Variants in ADH4 observed in about 807,000 individuals in gnomAD.
The protein encoded by ADH4 is all-trans-retinol dehydrogenase [NAD(+)] ADH4.
Under a neutral mutation model 35.2 loss-of-function variants are expected in ADH4, and 31 were observed. The ratio of observed to expected loss-of-function variants is 0.88; its 90% CI spans 0.66 to 1.19. ADH4 has a LOEUF of 1.19. ADH4 is among the 50% of genes most tolerant of loss of function. The pLI, the probability that ADH4 is intolerant of heterozygous loss-of-function variation, is 0.00. For synonymous variants in ADH4, 171 were observed against 160.2 expected, an observed-to-expected ratio of 1.07 and a Z score of -0.51; for missense variants, 476 against 458.3, an observed-to-expected ratio of 1.04 and a Z score of -0.35.
intron 8 of ADH4, among the ~76,000 whole-genome samples, chr4:99,124,911 G>A (rs1268355828): frequency 6.6e-6 from 1 of 151,860 alleles, no homozygotes; most frequent in Non-Finnish European, 1.5e-5. Context: ...ACTCCAACAT[G>A]TAGACACAAA....
chr4:99,124,373 A>G lies in ADH4; in HGVS notation c.*69T>C. The stretch of plus-strand genomic sequence containing the variant: ...CTCATGGCTTTCCTTGGTTCATCAA[A>G]TCAGGTAATAAATTAACCAGGCAGG... On this transcript the variant is annotated 3_prime_UTR_variant, in exon 9 of 9. Transcript: ENST00000265512. 3.6e-6 allele frequency: 4 copies of G among 1,107,482 alleles called. No homozygotes were observed. The highest frequency in any genetic ancestry group is 2.7e-6 in the Non-Finnish European group (2 of 748,298). 68.6% of individuals were successfully genotyped at this position (1,107,482 alleles called of 1,614,324 possible).
At chr4:99,138,921 A>G (rs537159910) in intron 4 of ADH4, 140 bp downstream of exon 4, 3 of 572,190 alleles carry the variant, frequency 5.2e-6, no homozygotes, top group Non-Finnish European at 9.2e-6. Flanking sequence ...GTGCACTTGC[A>G]ATAGTATCTT....
At chr4:99,129,058 C>T (rs1397907090) in intron 6 of ADH4, among the ~76,000 whole-genome samples, 1 of 151,968 alleles carries the variant, frequency 6.6e-6, no homozygotes, top group African/African-American at 2.4e-5. Flanking sequence ...CCTCAGCCTT[C>T]CAAAGTGCTG....
At chr4:99,131,357 T>C (rs1729265173) in intron 6 of ADH4, 147 bp downstream of exon 6, 9 of 895,256 alleles carry the variant, frequency 1.0e-5, no homozygotes, top group Non-Finnish European at 1.3e-5. Flanking sequence ...GCTGAGGGAA[T>C]GGGAAATGAT....
At chr4:99,124,521 A>G (rs2110487307) in intron 8 of ADH4, 55 bp from the exon 9 acceptor site, 7 of 1,158,212 alleles carry the variant, frequency 6.0e-6, no homozygotes, top group South Asian at 3.1e-5. Flanking sequence ...AATTTAACCA[A>G]AGCTCACAAA....
Position 99,126,639 on chromosome 4 carries a change from A to G in ADH4, c.1073T>C (p.Phe358Ser), listed in dbSNP as rs748159787. The change falls in exon 8 of 9, where the codon TTT becomes TCT. Residue 358 changes from phenylalanine (F) to serine (S), a missense_variant. Phe to Ser is a radical substitution (Grantham distance 155, BLOSUM62 -2). Transcript: ENST00000265512. ...LDALVTHTLP[F>S]DKISEAFDLM... is the part of the protein sequence containing the mutation. ...GTCAAATGCCTCACTGATTTTGTCA[A>G]AAGGCAGGGTATGGGTCACCAGTGC... The G allele has an allele frequency of 1.2e-6, 2 of 1,610,192 alleles. No homozygotes were observed. The highest frequency in any genetic ancestry group is 1.7e-6 in the Non-Finnish European group (2 of 1,177,194).
chr4:99,136,423 C>T (rs1179945550), intron 5 of ADH4, 43 bp downstream of exon 5: 1 of 1,529,096 alleles, frequency 6.5e-7, no homozygotes, highest in African/African-American at 1.4e-5. Context: ...ACACTGCCTC[C>T]TAGTAACTTC....
intron 4 of ADH4, among the ~76,000 whole-genome samples, chr4:99,138,383 A>G (rs1452337694): frequency 6.6e-6 from 1 of 152,182 alleles, no homozygotes; most frequent in African/African-American, 2.4e-5. Context: ...GCTTTCAATT[A>G]GTGTTAAGGA....
chr4:99,131,322 T>C (rs1729263880), intron 6 of ADH4, among the ~76,000 whole-genome samples, 182 bp downstream of exon 6: 1 of 152,132 alleles, frequency 6.6e-6, no homozygotes, highest in Non-Finnish European at 1.5e-5. Flanking sequence ...GACACATTCA[T>C]GGGCATTGAA....
In ADH4 at chr4:99,137,139, T is replaced by A. The variant is rs868209382; in HGVS notation, c.351-442A>T. Among the ~76,000 whole-genome samples the A allele has an allele frequency of 1.5e-3, 233 of 150,420 alleles. 1 individual carries two copies. The highest frequency in any genetic ancestry group is 3.5e-3 in the East Asian group (18 of 5,104). On this transcript the variant is annotated intron_variant, in intron 4 of 8. Transcript: ENST00000265512. ...TAATTTTGTATTATTATTATTATTT[T>A]TTTTTTGAGACGGAGTCTTGCTCTG...
At chr4:99,132,298 A>C (rs1244682772) in intron 5 of ADH4, among the ~76,000 whole-genome samples, 2 of 152,210 alleles carry the variant, frequency 1.3e-5, no homozygotes, top group African/African-American at 4.8e-5. Context: ...AGAACTGCGA[A>C]CAGATTGTTG....
At chr4:99,140,258 A>G (rs1729569258) in intron 3 of ADH4, among the ~76,000 whole-genome samples, 1 of 152,214 alleles carries the variant, frequency 6.6e-6, no homozygotes, top group South Asian at 2.1e-4. Context: ...TATAGAAGTT[A>G]TTATAACATG....
At chr4:99,137,958 G>C (rs571189945) in intron 4 of ADH4, among the ~76,000 whole-genome samples, 55 of 152,178 alleles carry the variant, frequency 3.6e-4, no homozygotes, top group Non-Finnish European at 7.6e-4. Context: ...ATTTGTTGAA[G>C]AAATTGAATC....
intron 4 of ADH4, among the ~76,000 whole-genome samples, chr4:99,136,915 G>T (rs745981489): frequency 1.3e-5 from 2 of 151,530 alleles, no homozygotes; most frequent in Admixed American, 6.6e-5. Flanking sequence ...AAAGTGACAG[G>T]GTGTCATTTC....
chr4:99,136,743 A>G (rs1729448082), intron 4 of ADH4, 46 bp from the exon 5 acceptor site: 1 of 1,249,446 alleles, frequency 8.0e-7, no homozygotes, highest in African/African-American at 1.5e-5. Context: ...AGAAGTTATA[A>G]TAAATGGAAC....
At chr4:99,143,249 A>C (rs750966062) in intron 1 of ADH4, 1 of 701,682 alleles carries the variant, frequency 1.4e-6, no homozygotes, top group South Asian at 1.5e-5. Flanking sequence ...ATTTATTCAC[A>C]TCACTTGGGA....
intron 2 of ADH4, 31 bp from the exon 3 acceptor site, chr4:99,141,713 T>G (rs778082667): frequency 6.2e-7 from 1 of 1,601,512 alleles, no homozygotes; most frequent in Non-Finnish European, 8.5e-7. Flanking sequence ...TTAATTGTGT[T>G]TCTGCAACTA....
At chr4:99,124,610 G>A (rs1729023991) in intron 8 of ADH4, 144 bp from the exon 9 acceptor site, 8 of 559,464 alleles carry the variant, frequency 1.4e-5, no homozygotes, top group East Asian at 7.1e-5. Flanking sequence ...CTTTTATCCC[G>A]TCATCCTCTT....
At chr4:99,129,799 T>C (rs567386351) in intron 6 of ADH4, among the ~76,000 whole-genome samples, 1 of 152,338 alleles carries the variant, frequency 6.6e-6, no homozygotes, top group Non-Finnish European at 1.5e-5. Context: ...TACTCTTGGC[T>C]TTTCTTGATA....
Sources: allele counts gnomAD v4.1 joint callset (sites outside exome capture counted in the v4.1 genomes callset), GRCh38; gene constraint gnomAD v4.1.1; transcripts MANE v1.5; gene names NCBI Gene and HGNC (gene_info 2026-07-23, HGNC 2026-07-21).